CPNE8: variants seen among roughly 807,000 people sequenced by gnomAD.
CPNE8 encodes the protein copine 8.
CPNE8 carries 45 observed loss-of-function variants against 81.5 expected under a neutral mutation model. The ratio of observed to expected loss-of-function variants is 0.55; its 90% CI spans 0.44 to 0.71. The LOEUF (loss-of-function observed/expected upper bound fraction) is 0.71, where lower values mean the gene tolerates loss of function less well. Among genes scored for constraint, CPNE8 ranks in the 30% least tolerant of loss-of-function variants. The pLI, the probability that CPNE8 is intolerant of heterozygous loss-of-function variation, is 0.00. For synonymous variants in CPNE8, 252 were observed against 226.3 expected, an observed-to-expected ratio of 1.11 and a Z score of -1.02; for missense variants, 594 against 672.1, an observed-to-expected ratio of 0.88 and a Z score of 1.28.
At chr12:38,677,423 G>A (rs113533634) in intron 17 of CPNE8, 29 bp downstream of exon 17, 57 of 1,198,674 alleles carry the variant, frequency 4.8e-5, no homozygotes, top group African/African-American at 2.7e-4. Context: ...GTCACGTAGC[G>A]AGCCCAATAC....
At chr12:38,766,233 G>C (rs1941686092) in intron 8 of CPNE8, among the ~76,000 whole-genome samples, 1 of 152,102 alleles carries the variant, frequency 6.6e-6, no homozygotes, top group Non-Finnish European at 1.5e-5. Context: ...GTGATAAAGT[G>C]AAATTTTACA....
intron 6 of CPNE8, among the ~76,000 whole-genome samples, chr12:38,820,737 CA>C (rs1943099068): frequency 6.6e-6 from 1 of 152,132 alleles, no homozygotes; most frequent in Non-Finnish European, 1.5e-5. Context: ...CAAATATAAA[CA>C]AAAATATCTT....
intron 3 of CPNE8, among the ~76,000 whole-genome samples, chr12:38,863,713 T>C (rs1178222961): frequency 6.6e-6 from 1 of 152,152 alleles, no homozygotes; most frequent in Non-Finnish European, 1.5e-5. Flanking sequence ...ATTATCTGAA[T>C]AAATGCAAAC....
In CPNE8 at chr12:38,898,127, A is replaced by C. The variant is rs140364299; in HGVS notation, c.98+7310T>G. Among the ~76,000 whole-genome samples the C allele has an allele frequency of 9.0e-4, 137 of 152,234 alleles. 1 individual carries two copies. Among genetic ancestry groups the C allele is most frequent in the African/African-American group, 3.1e-3 (127 of 41,550 alleles). ...GCTTCTGCCTGCTACAACACAAATA[A>C]CAGACCTAAAGGAGCACAGCTATTA... On this transcript the variant is annotated intron_variant, in intron 1 of 19. Coordinates refer to ENST00000331366, the MANE Select transcript of CPNE8 (RefSeq NM_153634.3).
In CPNE8 at chr12:38,749,110, T is replaced by A. The variant is rs577347849; in HGVS notation, c.722+11737A>T. Among the ~76,000 whole-genome samples the A allele has an allele frequency of 2.2e-4, 33 of 152,086 alleles. 1 individual carries two copies. The South Asian group carries it at 4.0e-3, about 18-fold the overall frequency. On this transcript the variant is annotated intron_variant, in intron 10 of 19. Transcript: ENST00000331366. ...GAAGTAATTAAATCATGGGGGCGGG[T>A]CTTTCTCATGTTGTTCTTGTGATAG... is the stretch of plus-strand genomic sequence containing the variant.
intron 3 of CPNE8, among the ~76,000 whole-genome samples, chr12:38,854,383 T>A (rs911609727): frequency 8.8e-6 from 1 of 114,116 alleles, no homozygotes; most frequent in Non-Finnish European, 1.7e-5. Context: ...AAACTCACTT[T>A]ATTATACGTC....
intron 5 of CPNE8, among the ~76,000 whole-genome samples, chr12:38,834,708 G>C (rs1943352813): frequency 6.6e-6 from 1 of 152,002 alleles, no homozygotes; most frequent in South Asian, 2.1e-4. Flanking sequence ...TCATCCTCCA[G>C]TGATATCCAT....
At chr12:38,879,319 CTT>C (rs138490857) in intron 1 of CPNE8, among the ~76,000 whole-genome samples, 1 of 148,500 alleles carries the variant, frequency 6.7e-6, no homozygotes, top group African/African-American at 2.5e-5. Flanking sequence ...TCTGTTTCCC[CTT>C]TTTTTTTTCC....
chr12:38,875,811 T>C (rs919656179), intron 1 of CPNE8, among the ~76,000 whole-genome samples: 3 of 152,242 alleles, frequency 2.0e-5, no homozygotes, highest in Admixed American at 6.5e-5. Context: ...AGTAATCACA[T>C]TAAATTAATC....
At chr12:38,670,910 A>C (rs776413585) in intron 18 of CPNE8, 108 bp from the exon 19 acceptor site, 96 of 700,094 alleles carry the variant, frequency 1.4e-4, no homozygotes, top group Non-Finnish European at 1.8e-4. Flanking sequence ...GTGCTATGAA[A>C]AGACAGAAAG....
chr12:38,854,600 C>A (rs1401050346), intron 3 of CPNE8, among the ~76,000 whole-genome samples: 2 of 151,914 alleles, frequency 1.3e-5, no homozygotes, highest in Non-Finnish European at 2.9e-5. Flanking sequence ...CCCTGGGATG[C>A]AAGGATGGTT....
intron 6 of CPNE8, among the ~76,000 whole-genome samples, chr12:38,826,532 C>A (rs1000445504): frequency 1.3e-5 from 2 of 152,114 alleles, no homozygotes; most frequent in African/African-American, 4.8e-5. Flanking sequence ...CATGACTCAA[C>A]CCCCAGCAAA....
chr12:38,904,525 A>G (rs371031369), intron 1 of CPNE8, among the ~76,000 whole-genome samples: 75 of 147,412 alleles, frequency 5.1e-4, no homozygotes, highest in African/African-American at 1.8e-3. Flanking sequence ...CTGGAGTGCA[A>G]TGGCAAGATC....
intron 10 of CPNE8, among the ~76,000 whole-genome samples, chr12:38,751,556 GGGA>G (rs1941353422): frequency 6.6e-6 from 1 of 152,156 alleles, no homozygotes; most frequent in Non-Finnish European, 1.5e-5. Context: ...GAGTTGCTGT[GGGA>G]TGTTGAGTTA....
intron 10 of CPNE8, among the ~76,000 whole-genome samples, chr12:38,747,167 T>C (rs1941244714): frequency 6.6e-6 from 1 of 152,248 alleles, no homozygotes. Flanking sequence ...CTACTAACAG[T>C]ATAATGAAAC....
intron 3 of CPNE8, among the ~76,000 whole-genome samples, chr12:38,867,515 C>T (rs1943934629): frequency 1.3e-5 from 2 of 152,134 alleles, no homozygotes; most frequent in Admixed American, 1.3e-4. Flanking sequence ...ACTTGTTTGC[C>T]TCTATGCTAT....
chr12:38,717,151 T>C (rs1226550533), intron 13 of CPNE8, among the ~76,000 whole-genome samples: 3 of 151,808 alleles, frequency 2.0e-5, no homozygotes, highest in African/African-American at 7.2e-5. Flanking sequence ...GATGTTAGCA[T>C]GGATGTGGTG....
chr12:38,682,854 T>C (rs1000154216), intron 16 of CPNE8, among the ~76,000 whole-genome samples: 36 of 152,170 alleles, frequency 2.4e-4, no homozygotes, highest in African/African-American at 8.2e-4. Context: ...TGAGTGCTGG[T>C]TGAATACTGG....
intron 14 of CPNE8, among the ~76,000 whole-genome samples, chr12:38,699,831 G>A (rs923323873): frequency 4.6e-5 from 7 of 152,054 alleles, no homozygotes; most frequent in Admixed American, 1.3e-4. Flanking sequence ...TTGATACTAC[G>A]ATAAAGGAAA....
Sources: allele counts gnomAD v4.1 joint callset (sites outside exome capture counted in the v4.1 genomes callset), GRCh38; gene constraint gnomAD v4.1.1; transcripts MANE v1.5; gene names NCBI Gene and HGNC (gene_info 2026-07-23, HGNC 2026-07-21).